The following PHACTR2 variants were observed in gnomAD, a reference collection of about 807,000 sequenced individuals.
PHACTR2 encodes phosphatase and actin regulator 2.
Under a neutral mutation model 76.0 loss-of-function variants are expected in PHACTR2, and 30 were observed. The observed-to-expected ratio is 0.39, with a 90% CI of 0.30 to 0.54. The LOEUF (loss-of-function observed/expected upper bound fraction) is 0.54, where lower values mean the gene tolerates loss of function less well. Among genes scored for constraint, PHACTR2 ranks in the 20% least tolerant of loss-of-function variants. PHACTR2 has a pLI of 0.61. For missense variants in PHACTR2, 696 were observed against 781.1 expected (o/e 0.89, Z 1.30); for synonymous variants, 292 against 292.5 (o/e 1.00, Z 0.02).
At position 143,825,994 on chromosome 6, in the gene PHACTR2, T is replaced by C. The variant is rs1195213077; in HGVS notation, c.*2305T>C. 2 of 152,154 alleles carry C rather than the reference T, an allele frequency of 1.3e-5. No homozygotes were observed. Among genetic ancestry groups the C allele is most frequent in the Non-Finnish European group, 2.9e-5 (2 of 68,024 alleles). 9.4% of individuals were successfully genotyped at this position (152,154 alleles called of 1,614,324 possible). A position where few individuals can be genotyped will look rare whatever the true frequency, so the allele number is the denominator to read the frequency against. On this transcript the variant is annotated 3_prime_UTR_variant, in exon 13 of 13. Transcript: ENST00000440869. This position sits in a 1 kb window ranked among gnomAD's most constrained non-coding sequence, Gnocchi z 4.1. ...TCAGATTTATTAACTACTCATACTT[T>C]TTCTTTACACTAATCGATACATTTA... is the stretch of plus-strand genomic sequence containing the variant.
chr6:143,821,608 A>C lies in PHACTR2; in HGVS notation c.1923-2066A>C, dbSNP rs1776418959. Among the ~76,000 whole-genome samples the C allele has an allele frequency of 6.6e-6, 1 of 152,246 alleles. No homozygotes were observed. The highest frequency in any genetic ancestry group is 1.5e-5 in the Non-Finnish European group (1 of 68,044). On this transcript the variant is annotated intron_variant, in intron 12 of 12. Coordinates refer to ENST00000440869, the MANE Select transcript of PHACTR2 (RefSeq NM_001100164.2). This position sits in a 1 kb window ranked among gnomAD's most constrained non-coding sequence, Gnocchi z 5.2. The stretch of plus-strand genomic sequence containing the variant: ...GTTATGGGAACACAGGAAAGAGAGC[A>C]ATTAGTGCTTCCCTGAGCAGTGGAG...
rs1337548464 is a variant in PHACTR2, at chr6:143,688,792, C to T, written c.46+10583C>T. ...ACTGCAGTAGATTCCAGCTGCTCTC[C>T]TGCTTCTGTTCCCACCCTTCTGCAA... On this transcript the variant is annotated intron_variant, in intron 1 of 12. Transcript: ENST00000440869. This position sits in a 1 kb window ranked among gnomAD's most constrained non-coding sequence, Gnocchi z 5.2. 1.3e-5 allele frequency among the ~76,000 whole-genome samples: 2 copies of T among 152,218 alleles called. No homozygotes were observed. Among genetic ancestry groups the T allele is most frequent in the Non-Finnish European group, 2.9e-5 (2 of 68,038 alleles).
Position 143,608,415 on chromosome 6 carries a change from G to A in PHACTR2, c.13+93G>A. 2 of 1,301,688 alleles carry A rather than the reference G, an allele frequency of 1.5e-6. No homozygotes were observed. The highest frequency in any genetic ancestry group is 2.2e-6 in the Non-Finnish European group (2 of 902,136). The allele number at this position is 1,301,688 out of a possible 1,614,324, so 80.6% of individuals were successfully genotyped here. ...GAAGGTTTGCCTATTTGTTGCTCTCGTTTTGCACTTAAATGTTCAAGACTG... is the reference window on the plus strand; with the variant it reads ...GAAGGTTTGCCTATTTGTTGCTCTCATTTTGCACTTAAATGTTCAAGACTG... On this transcript the variant is annotated intron_variant, in intron 1 of 11. Coordinates refer to the PHACTR2 transcript ENST00000305766. The surrounding 1 kb of genome is among the most constrained non-coding windows in gnomAD (Gnocchi z 4.6).
In PHACTR2 at chr6:143,788,828, A is replaced by T. The variant is rs762684968; in HGVS notation, c.1763A>T (p.Asn588Ile). The stretch of plus-strand genomic sequence containing the variant: ...CAAGCTCGAAGGATCCTGCGATTTA[A>T]CGAGTATGTAGAAGTCACGGATTCT... ...ELQARRILRF[N>I]EYVEVTDSPD... The change falls in exon 11 of 13, where the codon AAC (asparagine) becomes ATC (isoleucine). Residue 588 changes from asparagine (N) to isoleucine (I), a missense_variant. Asn to Ile is a moderately radical substitution (Grantham distance 149, BLOSUM62 -3). Coordinates refer to ENST00000440869, the MANE Select transcript of PHACTR2 (RefSeq NM_001100164.2). The T allele has an allele frequency of 6.2e-7, 1 of 1,613,714 alleles. No individual in the cohort carries two copies. The highest frequency in any genetic ancestry group is 1.1e-5 in the South Asian group (1 of 91,062).
intron 1 of PHACTR2, among the ~76,000 whole-genome samples, chr6:143,649,091 G>A (rs1776711310): frequency 6.6e-6 from 1 of 152,122 alleles, no homozygotes; most frequent in African/African-American, 2.4e-5. Flanking sequence ...ATTAGATTTT[G>A]CCTTTCCACA....
At chr6:143,666,312 A>G (rs190549417) in intron 1 of PHACTR2, among the ~76,000 whole-genome samples, 76 of 152,212 alleles carry the variant, frequency 5.0e-4, no homozygotes, top group African/African-American at 1.7e-3. Context: ...AGTCTTTGCT[A>G]TTGTGAAGAG....
chr6:143,675,339 A>G (rs1777222517), upstream of PHACTR2, among the ~76,000 whole-genome samples: 1 of 152,228 alleles, frequency 6.6e-6, no homozygotes, highest in Non-Finnish European at 1.5e-5. The surrounding 1 kb of genome is among the most constrained non-coding windows in gnomAD (Gnocchi z 4.9). Context: ...ATGGTATGAT[A>G]TGATGCGGCA....
At position 143,633,842 on chromosome 6, in the gene PHACTR2, C is replaced by T. The variant is rs921308050; in HGVS notation, c.13+25520C>T. The stretch of plus-strand genomic sequence containing the variant: ...AGGTCTCTGTCTAGATTCATTTTTT[C>T]GCATTTAGATGTCCAGTTACCTTTT... On this transcript the variant is annotated intron_variant, in intron 1 of 11. Transcript: ENST00000305766. The surrounding 1 kb of genome is among the most constrained non-coding windows in gnomAD (Gnocchi z 4.1). Among the ~76,000 whole-genome samples the T allele has an allele frequency of 2.0e-4, 31 of 152,092 alleles. No individual in the cohort carries two copies. The highest frequency in any genetic ancestry group is 6.3e-4 in the African/African-American group (26 of 41,506).
chr6:143,765,762 G>T lies in PHACTR2; in HGVS notation c.1196G>T (p.Gly399Val), dbSNP rs1433803358. Residue 399 changes from glycine (G) to valine (V), a missense_variant, in exon 6 of 13, where the codon GGC becomes GTC. This residue lies in a region of PHACTR2 where 236 missense variants were observed against 330.2 expected (regional missense o/e 0.71). Coordinates refer to ENST00000440869, the MANE Select transcript of PHACTR2 (RefSeq NM_001100164.2). The surrounding 1 kb of genome is among the most constrained non-coding windows in gnomAD (Gnocchi z 4.1). ...ACGAACAGAACCACTCTCTACTCAG[G>T]CACTGGCTTAAGTGTTAACAGAGAA... ...EPTNRTTLYS[G>V]TGLSVNRENA... The T allele has an allele frequency of 6.2e-7, 1 of 1,614,024 alleles. No individual in the cohort carries two copies. Among genetic ancestry groups the T allele is most frequent in the Non-Finnish European group, 8.5e-7 (1 of 1,179,996 alleles).
Position 143,823,636 on chromosome 6 carries a change from C to A in PHACTR2, c.1923-38C>A. The A allele has an allele frequency of 6.3e-7, 1 of 1,590,922 alleles. No homozygotes were observed. The highest frequency in any genetic ancestry group is 8.6e-7 in the Non-Finnish European group (1 of 1,159,738). On this transcript the variant is annotated intron_variant, in intron 12 of 12. Transcript: ENST00000440869. The surrounding 1 kb of genome is among the most constrained non-coding windows in gnomAD (Gnocchi z 5.7). ...AGCTCACTGCATGCAGAATGTGCTC[C>A]TAGGCCACAGGCTTATAGTTTCTAT...
At chr6:143,815,035 GA>G (rs1461440930) in intron 12 of PHACTR2, among the ~76,000 whole-genome samples, 9 of 152,234 alleles carry the variant, frequency 5.9e-5, no homozygotes, top group African/African-American at 9.6e-5. Flanking sequence ...GACATCACAG[GA>G]ACTATACTTG....
In PHACTR2 at chr6:143,787,952, C is replaced by T. The variant is rs781023791; in HGVS notation, c.1708-821C>T. ...AAAGACCAAAATGGGAGTGAACCTC[C>T]GTAGCAGAGAGTAGATAATGCCTGT... is the stretch of plus-strand genomic sequence containing the variant. On this transcript the variant is annotated intron_variant, in intron 10 of 12. Coordinates refer to ENST00000440869, the MANE Select transcript of PHACTR2 (RefSeq NM_001100164.2). This position sits in a 1 kb window ranked among gnomAD's most constrained non-coding sequence, Gnocchi z 4.6. 4.6e-5 allele frequency among the ~76,000 whole-genome samples: 7 copies of T among 152,236 alleles called. No homozygotes were observed. The highest frequency in any genetic ancestry group is 2.1e-4 in the South Asian group (1 of 4,816).
At chr6:143,817,137 T>C (rs542526655) in intron 12 of PHACTR2, among the ~76,000 whole-genome samples, 9 of 138,738 alleles carry the variant, frequency 6.5e-5, no homozygotes, top group African/African-American at 2.4e-4. Context: ...AACCCAAAAT[T>C]TCATTTACCT....
At chr6:143,564,215 A>ATATG (rs1775327737) in intron 1 of PHACTR2, among the ~76,000 whole-genome samples, 1 of 113,824 alleles carries the variant, frequency 8.8e-6, no homozygotes, top group African/African-American at 3.2e-5. Context: ...ATATATATAT[A>ATATG]TATATATATA....
chr6:143,579,150 C>G (rs191862317), intron 1 of PHACTR2, among the ~76,000 whole-genome samples: 13 of 152,296 alleles, frequency 8.5e-5, no homozygotes, highest in African/African-American at 2.6e-4. Context: ...GTGATCCCCC[C>G]ACCTTGGCCT....
At chr6:143,538,890 T>C (rs1404800739) in intron 1 of PHACTR2, among the ~76,000 whole-genome samples, 2 of 152,248 alleles carry the variant, frequency 1.3e-5, no homozygotes, top group Non-Finnish European at 2.9e-5. Flanking sequence ...TGAATTTGTA[T>C]TGTGAAAAGC....
At chr6:143,792,930 A>G (rs1169979796) in intron 11 of PHACTR2, among the ~76,000 whole-genome samples, 4 of 152,266 alleles carry the variant, frequency 2.6e-5, no homozygotes, top group African/African-American at 9.6e-5. Flanking sequence ...TCATAAGACC[A>G]GCTCAAGCTT....
chr6:143,624,290 C>T lies in PHACTR2; in HGVS notation c.13+15968C>T, dbSNP rs939074360. Among the ~76,000 whole-genome samples, 4 of 151,872 alleles carry T rather than the reference C, an allele frequency of 2.6e-5. No homozygotes were observed. The highest frequency in any genetic ancestry group is 2.1e-4 in the South Asian group (1 of 4,812). ...CCTGACTAATTTTTGTATTTTTAGG[C>T]GAGACAGGGTTTCCCCCTGTTGGCC... On this transcript the variant is annotated intron_variant, in intron 1 of 11. Transcript: ENST00000305766. This position sits in a 1 kb window ranked among gnomAD's most constrained non-coding sequence, Gnocchi z 4.6.
Position 143,754,489 on chromosome 6 carries a change from A to C in PHACTR2, c.454+577A>C, listed in dbSNP as rs1180684853. ...TGGCTGATTCCCACAGCCTCTGTGC[A>C]ATTGGAAACTTCAAAATGTGCCAGA... On this transcript the variant is annotated intron_variant, in intron 4 of 12. Transcript: ENST00000440869. The surrounding 1 kb of genome is among the most constrained non-coding windows in gnomAD (Gnocchi z 6.2). Among the ~76,000 whole-genome samples, 4 of 152,208 alleles carry C rather than the reference A, an allele frequency of 2.6e-5. No homozygotes were observed. In the East Asian group the frequency reaches 7.7e-4, roughly 29 times the overall value.
Sources: gnomAD v4.1 joint callset for allele counts (sites outside exome capture counted in the v4.1 genomes callset) on GRCh38, gnomAD v4.1.1 for gene constraint, gnomAD v4.1.1 regional missense constraint, Gnocchi (gnomAD v3.1) non-coding constraint, MANE v1.5 for transcripts, NCBI Gene and HGNC (gene_info 2026-07-23, HGNC 2026-07-21) for gene names.